PEX11G: variants seen among roughly 807,000 people sequenced by gnomAD.
The protein encoded by PEX11G is peroxisomal biogenesis factor 11 gamma.
PEX11G carries 20 observed loss-of-function variants against 22.5 expected under a neutral mutation model. The observed-to-expected ratio is 0.89, with a 90% confidence interval of 0.62 to 1.29. The LOEUF (loss-of-function observed/expected upper bound fraction) is 1.29. Among genes scored for constraint, PEX11G ranks in the 50% most tolerant of loss-of-function variants. PEX11G has a pLI of 0.00. For synonymous variants in PEX11G, 141 were observed against 154.5 expected, an observed-to-expected ratio of 0.91 and a Z score of 0.65; for missense variants, 347 against 331.3, an observed-to-expected ratio of 1.05 and a Z score of -0.37.
chr19:7,485,173 TG>T (rs59009272), intron 2 of PEX11G, among the ~76,000 whole-genome samples: 7,813 of 152,010 alleles, frequency 0.051, 274 homozygotes, highest in African/African-American at 0.094. Flanking sequence ...AAATTTTTTT[TG>T]TTTGTTTTAT....
At chr19:7,485,812 C>T (rs2021620227) in intron 2 of PEX11G, 26 bp downstream of exon 2, 2 of 1,575,428 alleles carry the variant, frequency 1.3e-6, no homozygotes, top group Non-Finnish European at 1.7e-6. Flanking sequence ...GCACCCTACT[C>T]CCTAGAGCCC....
chr19:7,477,631 G>C (rs1837631387), intron 4 of PEX11G, among the ~76,000 whole-genome samples, 195 bp from the exon 5 acceptor site: 1 of 152,004 alleles, frequency 6.6e-6, no homozygotes, highest in African/African-American at 2.4e-5. Flanking sequence ...GCACGAACAG[G>C]GCAGGAACCC....
rs570465437 is a variant in PEX11G, at chr19:7,478,062, C to A, written c.491+252G>T. On this transcript the variant is annotated intron_variant, in intron 4 of 4. Transcript: ENST00000221480. ...AAAGCAACAGTAACAATGGCCATGG[C>A]CTTCGGGAAATTGATCATTCTCTCC... is the stretch of plus-strand genomic sequence containing the variant. Among the ~76,000 whole-genome samples the A allele has an allele frequency of 3.9e-5, 6 of 152,334 alleles. No homozygotes were observed. In the East Asian group the frequency reaches 1.2e-3, roughly 29 times the overall value.
At chr19:7,490,895 T>C (rs989939294), upstream of PEX11G, 6 of 151,950 alleles carry the variant, frequency 3.9e-5, no homozygotes, top group Admixed American at 6.6e-5. Flanking sequence ...CACCTCAGCA[T>C]CCTGAGTAGG....
chr19:7,489,236 C>T (rs2021819821), upstream of PEX11G: 11 of 1,221,610 alleles, frequency 9.0e-6, no homozygotes, highest in South Asian at 2.7e-4. Flanking sequence ...TCGGAGTTTG[C>T]TGCATTCTGC....
chr19:7,487,380 A>G (rs2021709917), intron 1 of PEX11G, among the ~76,000 whole-genome samples: 1 of 152,156 alleles, frequency 6.6e-6, no homozygotes, highest in Admixed American at 6.6e-5. Flanking sequence ...GAAAGAACCT[A>G]CTCAGTAGGT....
chr19:7,480,728 A>G (rs560065317), intron 3 of PEX11G, among the ~76,000 whole-genome samples: 26 of 152,236 alleles, frequency 1.7e-4, no homozygotes, highest in Admixed American at 7.9e-4. Context: ...GGGACAAGCA[A>G]AGCTTCCCCC....
At chr19:7,478,191 G>A (rs1034926196) in intron 4 of PEX11G, 123 bp downstream of exon 4, 10 of 1,025,022 alleles carry the variant, frequency 9.8e-6, no homozygotes, top group Non-Finnish European at 1.4e-5. Flanking sequence ...AGGCTGTGAT[G>A]ACTCCCCCAT....
chr19:7,491,257 T>G (rs1347713441), upstream of PEX11G: 1 of 147,056 alleles, frequency 6.8e-6, no homozygotes, highest in Non-Finnish European at 1.5e-5. Context: ...TTTTTACCAC[T>G]TCTTGATTTT....
chr19:7,479,329 C>CA (rs1977382614), intron 3 of PEX11G, among the ~76,000 whole-genome samples: 1 of 152,086 alleles, frequency 6.6e-6, no homozygotes, highest in African/African-American at 2.4e-5. Context: ...ACTAAAAATA[C>CA]AAAAATTAGC....
At chr19:7,486,798 A>G (rs2021681069) in intron 1 of PEX11G, among the ~76,000 whole-genome samples, 1 of 151,772 alleles carries the variant, frequency 6.6e-6, no homozygotes, top group Non-Finnish European at 1.5e-5. Context: ...ATGGGGTTTC[A>G]CCATTTTAGC....
intron 2 of PEX11G, 50 bp from the exon 3 acceptor site, chr19:7,482,261 C>A (rs1183236678): frequency 1.3e-6 from 2 of 1,490,602 alleles, no homozygotes; most frequent in African/African-American, 1.4e-5. Flanking sequence ...ACCCACTGCC[C>A]ATTTTAGCAC....
upstream of PEX11G, chr19:7,492,849 C>T (rs2021914105): frequency 6.6e-6 from 1 of 152,242 alleles, no homozygotes; most frequent in South Asian, 2.1e-4. Context: ...CAGCAGATTC[C>T]TGCCTCAGGA....
intron 1 of PEX11G, among the ~76,000 whole-genome samples, chr19:7,494,199 G>C (rs553413277): frequency 2.0e-5 from 3 of 152,108 alleles, no homozygotes; most frequent in African/African-American, 7.2e-5. Flanking sequence ...GAGCCACTGC[G>C]CCCAGCCACG....
upstream of PEX11G, among the ~76,000 whole-genome samples, chr19:7,491,637 A>AT (rs1176380009): frequency 2.6e-5 from 4 of 152,118 alleles, no homozygotes; most frequent in East Asian, 7.7e-4. Context: ...TCCACCAAGC[A>AT]TAATAGGTTG....
chr19:7,493,478 G>A (rs934523127), upstream of PEX11G, among the ~76,000 whole-genome samples: 3 of 150,804 alleles, frequency 2.0e-5, no homozygotes, highest in African/African-American at 7.3e-5. Flanking sequence ...TACAGGCATG[G>A]GCCACCATGC....
intron 2 of PEX11G, among the ~76,000 whole-genome samples, chr19:7,484,890 C>T (rs1046433765): frequency 6.6e-6 from 1 of 152,054 alleles, no homozygotes. Context: ...AATGTGTGAA[C>T]GTTTGCTATT....
At chr19:7,492,180 G>A (rs1423837372), upstream of PEX11G, among the ~76,000 whole-genome samples, 1 of 152,148 alleles carries the variant, frequency 6.6e-6, no homozygotes, top group African/African-American at 2.4e-5. Flanking sequence ...ATTCCTTTGG[G>A]TCTATACCTA....
At chr19:7,488,525 C>A (rs1428617188) in intron 1 of PEX11G, among the ~76,000 whole-genome samples, 1 of 150,954 alleles carries the variant, frequency 6.6e-6, no homozygotes, top group Non-Finnish European at 1.5e-5. Context: ...GCTGGCCAGA[C>A]GCGGTGGCTC....
Sources: gnomAD v4.1 joint callset for allele counts (sites outside exome capture counted in the v4.1 genomes callset) on GRCh38, gnomAD v4.1.1 for gene constraint, MANE v1.5 for transcripts, NCBI Gene and HGNC (gene_info 2026-07-23, HGNC 2026-07-21) for gene names.